The following CUL5 variants were observed in gnomAD, a reference collection of about 807,000 sequenced individuals.
CUL5 encodes the protein cullin 5, also known as cullin-5.
In CUL5, 26 loss-of-function variants were observed where a neutral mutation model predicts 108.8. The observed-to-expected ratio is 0.24, with a 90% CI of 0.18 to 0.33. The LOEUF (loss-of-function observed/expected upper bound fraction) is 0.33, where lower values mean the gene tolerates loss of function less well. Among genes scored for constraint, CUL5 ranks in the 10% least tolerant of loss-of-function variants. CUL5 has a pLI of 1.00. For missense variants in CUL5, 524 were observed against 909.2 expected, an observed-to-expected ratio of 0.58 and a Z score of 5.45; for synonymous variants, 334 against 298.0, an observed-to-expected ratio of 1.12 and a Z score of -1.25.
At chr11:108,044,252 C>T (rs1418110783) in intron 2 of CUL5, among the ~76,000 whole-genome samples, 1 of 152,100 alleles carries the variant, frequency 6.6e-6, no homozygotes, top group African/African-American at 2.4e-5. Context: ...CCCAGTGGCT[C>T]ATGCCTATAT....
chr11:108,024,863 C>T (rs558001106), intron 1 of CUL5, among the ~76,000 whole-genome samples: 3 of 152,028 alleles, frequency 2.0e-5, no homozygotes, highest in African/African-American at 4.8e-5. Flanking sequence ...AAATTCCATC[C>T]TTCCATAATC....
intron 18 of CUL5, among the ~76,000 whole-genome samples, chr11:108,099,906 A>AT (rs1264462296): frequency 0.026 from 3,755 of 146,814 alleles, 148 homozygotes; most frequent in African/African-American, 0.084. Context: ...CAAAAAAAAA[A>AT]TTTTTTTTTT....
chr11:108,058,966 A>G (rs1019587674), intron 7 of CUL5, among the ~76,000 whole-genome samples: 1 of 152,196 alleles, frequency 6.6e-6, no homozygotes, highest in African/African-American at 2.4e-5. Flanking sequence ...AAGTAACACA[A>G]CCATAAGAAA....
At position 108,052,811 on chromosome 11, in the gene CUL5, G is replaced by A. The variant is rs1452106152; in HGVS notation, c.553+10G>A. 6.3e-7 allele frequency: 1 copy of A among 1,591,138 alleles called. No individual in the cohort carries two copies. Among genetic ancestry groups the A allele is most frequent in the Non-Finnish European group, 8.6e-7 (1 of 1,169,364 alleles). ...GTAAGAGAATCCTATGGTATGTTCTGAACTTTTATGATCATAATTTCTGTT... is the reference window on the plus strand; with the variant it reads ...GTAAGAGAATCCTATGGTATGTTCTAAACTTTTATGATCATAATTTCTGTT... On this transcript the variant is annotated intron_variant, in intron 5 of 18. Transcript: ENST00000393094.
At chr11:108,102,680 A>T (rs1864702413) in intron 18 of CUL5, among the ~76,000 whole-genome samples, 1 of 152,294 alleles carries the variant, frequency 6.6e-6, no homozygotes, top group South Asian at 2.1e-4. Flanking sequence ...CTCTTACTGA[A>T]TAGTGCCTGA....
At chr11:108,067,500 A>G (rs1181005356) in intron 7 of CUL5, among the ~76,000 whole-genome samples, 1 of 152,012 alleles carries the variant, frequency 6.6e-6, no homozygotes, top group Non-Finnish European at 1.5e-5. Context: ...TTGTTACAAT[A>G]TGTGATACAC....
intron 14 of CUL5, 107 bp from the exon 15 acceptor site, chr11:108,094,705 C>CA: frequency 1.0e-6 from 1 of 970,514 alleles, no homozygotes; most frequent in Non-Finnish European, 1.5e-6. Flanking sequence ...ACACTTTTAA[C>CA]AAAATCTTTA....
chr11:108,014,376 A>AAC (rs1862130508), intron 1 of CUL5, among the ~76,000 whole-genome samples: 1 of 152,168 alleles, frequency 6.6e-6, no homozygotes, highest in Non-Finnish European at 1.5e-5. Context: ...ACAGGGAAAC[A>AAC]ACAAGAGGGA....
intron 7 of CUL5, among the ~76,000 whole-genome samples, chr11:108,064,252 A>T (rs1464733720): frequency 6.6e-6 from 1 of 152,212 alleles, no homozygotes; most frequent in Non-Finnish European, 1.5e-5. Context: ...GAATTTTATC[A>T]GATGCTTTTT....
chr11:108,014,068 CA>C (rs963887089), intron 1 of CUL5, among the ~76,000 whole-genome samples: 5 of 152,168 alleles, frequency 3.3e-5, no homozygotes, highest in African/African-American at 1.2e-4. Context: ...TATGATAAGG[CA>C]AAAGTTTCAG....
intron 18 of CUL5, among the ~76,000 whole-genome samples, chr11:108,100,987 C>T (rs1011795213): frequency 6.6e-6 from 1 of 152,132 alleles, no homozygotes. Flanking sequence ...GGAGATCGCG[C>T]CACTGCACTC....
chr11:108,024,772 A>G (rs1033332971), intron 1 of CUL5, among the ~76,000 whole-genome samples: 1 of 152,214 alleles, frequency 6.6e-6, no homozygotes, highest in Admixed American at 6.5e-5. Flanking sequence ...GAAATGCCAT[A>G]TATTTGCAAT....
intron 14 of CUL5, 121 bp downstream of exon 14, chr11:108,094,635 G>A (rs974988048): frequency 1.8e-5 from 14 of 775,332 alleles, no homozygotes; most frequent in Non-Finnish European, 2.2e-5. Context: ...GTCCATTTCC[G>A]TGGAGACAGC....
chr11:108,012,210 G>A (rs778884878), intron 1 of CUL5, among the ~76,000 whole-genome samples: 1 of 152,120 alleles, frequency 6.6e-6, no homozygotes, highest in Non-Finnish European at 1.5e-5. Context: ...ACATGTAATT[G>A]TGATTGTTCC....
intron 1 of CUL5, among the ~76,000 whole-genome samples, chr11:108,023,405 T>C (rs907372710): frequency 5.9e-5 from 9 of 152,228 alleles, no homozygotes; most frequent in African/African-American, 9.6e-5. Context: ...TTTAAGGTCA[T>C]ATGAGTAGTT....
intron 7 of CUL5, among the ~76,000 whole-genome samples, chr11:108,063,358 ATG>A (rs1863591742): frequency 6.6e-6 from 1 of 152,060 alleles, no homozygotes; most frequent in African/African-American, 2.4e-5. Flanking sequence ...AGTTTCATCC[ATG>A]TTGTTGCAAA....
intron 10 of CUL5, among the ~76,000 whole-genome samples, chr11:108,077,888 G>A (rs1023234992): frequency 6.6e-6 from 1 of 152,132 alleles, no homozygotes; most frequent in African/African-American, 2.4e-5. Context: ...GGCGGAGGTT[G>A]CAGTGAGTGG....
chr11:108,065,520 C>T (rs1863652585), intron 7 of CUL5, among the ~76,000 whole-genome samples: 1 of 152,138 alleles, frequency 6.6e-6, no homozygotes, highest in Non-Finnish European at 1.5e-5. Context: ...TCTAAATGCT[C>T]CCTCCATGGG....
chr11:108,091,695 T>TCTCACACACACACA (rs1555024093), intron 13 of CUL5, among the ~76,000 whole-genome samples: 1 of 138,098 alleles, frequency 7.2e-6, no homozygotes, highest in African/African-American at 2.8e-5. Context: ...TCTCTCTCAC[T>TCTCACACACACACA]CACACACACA....
Sources: allele counts gnomAD v4.1 joint callset (sites outside exome capture counted in the v4.1 genomes callset), GRCh38; gene constraint gnomAD v4.1.1; transcripts MANE v1.5; gene names NCBI Gene and HGNC (gene_info 2026-07-23, HGNC 2026-07-21).